GOT2: variants seen among roughly 807,000 people sequenced by gnomAD.
The protein encoded by GOT2 is glutamic-oxaloacetic transaminase 2.
A neutral mutation model predicts 50.0 loss-of-function variants in GOT2; 17 were observed. The ratio of observed to expected loss-of-function variants is 0.34; its 90% CI spans 0.23 to 0.51. GOT2 has a LOEUF of 0.51. GOT2 is among the 20% of genes least tolerant of loss of function. GOT2 has a pLI of 0.97. For missense variants in GOT2, 430 were observed against 559.6 expected (o/e 0.77, Z 2.34); for synonymous variants, 172 against 204.9 (o/e 0.84, Z 1.37).
chr16:58,718,555 T>A lies in GOT2; in HGVS notation c.569A>T (p.Asp190Val), dbSNP rs371532368. The A allele has an allele frequency of 5.0e-6, 8 of 1,592,952 alleles. No homozygotes were observed. The highest frequency in any genetic ancestry group is 1.4e-5 in the African/African-American group (1 of 73,844). Residue 190 changes from aspartate (D) to valine (V), a missense_variant, in exon 5 of 10, where the codon GAC becomes GTC. Coordinates refer to ENST00000245206, the MANE Select transcript of GOT2 (RefSeq NM_002080.4). Reference protein sequence around the residue: ...RYYDPKTCGFDFTGAVEDISK... With the variant: ...RYYDPKTCGFVFTGAVEDISK... ...AATATCCTCCACAGCGCCTGTGAAG[T>A]CAAAACCGCAAGTCTTGGGGTCATA...
chr16:58,730,391 AT>A (rs11439864), intron 1 of GOT2, among the ~76,000 whole-genome samples: 4 of 149,772 alleles, frequency 2.7e-5, no homozygotes, highest in South Asian at 2.1e-4. Context: ...GAGGGATACA[AT>A]TTTTTTTTTT....
intron 8 of GOT2, among the ~76,000 whole-genome samples, chr16:58,715,256 G>A (rs1472082638): frequency 6.6e-6 from 1 of 152,090 alleles, no homozygotes; most frequent in Non-Finnish European, 1.5e-5. Flanking sequence ...AAAATATGAT[G>A]TTTTTAAGGA....
In GOT2 at chr16:58,708,238, G is replaced by C; in HGVS notation, c.1226C>G (p.Ser409Cys). Residue 409 changes from serine (S) to cysteine (C), a missense_variant, in exon 10 of 10, where the codon TCT becomes TGT. By Grantham distance (112) the Ser-to-Cys change is moderately radical (BLOSUM62 -1). Transcript: ENST00000245206. Reference protein sequence around the residue: ...SIYMTKDGRISVAGVTSSNVG... With the variant: ...SIYMTKDGRICVAGVTSSNVG... ...GTTGCTGGAGGTGACCCCTGCCACAGAGATGCGGCCATCTTTTGTCATGTA... is the reference window on the plus strand; with the variant it reads ...GTTGCTGGAGGTGACCCCTGCCACACAGATGCGGCCATCTTTTGTCATGTA... 1 of 1,614,014 alleles carries C rather than the reference G, an allele frequency of 6.2e-7. No homozygotes were observed. The highest frequency in any genetic ancestry group is 1.3e-5 in the African/African-American group (1 of 75,060).
chr16:58,707,967 T>C lies in GOT2; in HGVS notation c.*204A>G. 2.5e-6 allele frequency: 1 copy of C among 403,592 alleles called. No homozygotes were observed. The highest frequency in any genetic ancestry group is 4.3e-6 in the Non-Finnish European group (1 of 232,626). The allele number at this position is 403,592 out of a possible 1,614,324, so 25.0% of individuals were successfully genotyped here. ...GGACCGGGGAGAGTTTGGTTTAATA[T>C]TCCAGACGCCAGCCATGGATGCCTC... is the stretch of plus-strand genomic sequence containing the variant. On this transcript the variant is annotated 3_prime_UTR_variant, in exon 10 of 10. Transcript: ENST00000245206.
At chr16:58,711,531 A>G (rs1194325297) in intron 8 of GOT2, among the ~76,000 whole-genome samples, 2 of 152,216 alleles carry the variant, frequency 1.3e-5, no homozygotes, top group Non-Finnish European at 2.9e-5. Context: ...TAGAAGAGAG[A>G]TCACAAACTG....
intron 8 of GOT2, 40 bp downstream of exon 8, chr16:58,715,974 G>A (rs2044688689): frequency 6.6e-7 from 1 of 1,523,724 alleles, no homozygotes; most frequent in African/African-American, 1.4e-5. Flanking sequence ...GAGCAGTGGT[G>A]GGAACAGGTA....
intron 1 of GOT2, among the ~76,000 whole-genome samples, chr16:58,727,527 C>G (rs934897041): frequency 3.4e-4 from 52 of 152,158 alleles, no homozygotes; most frequent in African/African-American, 1.1e-3. Flanking sequence ...ACAACACAAT[C>G]CCTTACCACC....
intron 1 of GOT2, among the ~76,000 whole-genome samples, chr16:58,731,154 GAC>G (rs1171998713): frequency 1.3e-5 from 2 of 151,518 alleles, no homozygotes; most frequent in African/African-American, 2.4e-5. Flanking sequence ...TTTTTTTTGA[GAC>G]ACAGTCTTGC....
intron 1 of GOT2, 110 bp from the exon 2 acceptor site, chr16:58,724,012 G>A: frequency 1.0e-6 from 1 of 954,166 alleles, no homozygotes; most frequent in East Asian, 2.6e-5. Flanking sequence ...GGAGTGCAGT[G>A]GTGCTATCTT....
chr16:58,709,386 G>A lies in GOT2; in HGVS notation c.1170+31C>T, dbSNP rs145749457. On this transcript the variant is annotated intron_variant, in intron 9 of 9. Transcript: ENST00000245206. Reference sequence around the variant, plus strand: ...TCGGGTTTGCAAAGACTGATCAGCTGGTCTGCTGCAGAGAAATCAGAATCA... The same window carrying A: ...TCGGGTTTGCAAAGACTGATCAGCTAGTCTGCTGCAGAGAAATCAGAATCA... 1,368 of 1,547,764 alleles carry A rather than the reference G, an allele frequency of 8.8e-4. 7 individuals carry two copies. Among genetic ancestry groups the A allele is most frequent in the Middle Eastern group, 7.3e-3 (42 of 5,744 alleles).
At chr16:58,712,883 T>C (rs1266636207) in intron 8 of GOT2, among the ~76,000 whole-genome samples, 2 of 152,166 alleles carry the variant, frequency 1.3e-5, no homozygotes, top group Admixed American at 6.5e-5. Context: ...GCCGAAGTGC[T>C]AAGGTCGGGA....
At chr16:58,716,311 G>T in intron 7 of GOT2, 132 bp from the exon 8 acceptor site, 1 of 890,118 alleles carries the variant, frequency 1.1e-6, no homozygotes, top group Non-Finnish European at 1.7e-6. Flanking sequence ...TAAATAAAAA[G>T]CTTTCAACAA....
intron 8 of GOT2, among the ~76,000 whole-genome samples, chr16:58,714,088 T>C (rs1428876001): frequency 6.6e-6 from 1 of 152,106 alleles, no homozygotes; most frequent in Non-Finnish European, 1.5e-5. Flanking sequence ...TTTATTTTAA[T>C]AGAGACACAG....
intron 7 of GOT2, 42 bp downstream of exon 7, chr16:58,716,621 C>T (rs755980939): frequency 6.3e-7 from 1 of 1,588,582 alleles, no homozygotes; most frequent in Non-Finnish European, 8.6e-7. Context: ...GGCATTCTCT[C>T]CCAGCATGAG....
intron 1 of GOT2, 80 bp from the exon 2 acceptor site, chr16:58,723,982 C>T: frequency 7.6e-7 from 1 of 1,309,158 alleles, no homozygotes. Flanking sequence ...GAGATAGACT[C>T]TTGCTCTGTT....
chr16:58,718,583 A>G lies in GOT2; in HGVS notation c.541T>C (p.Tyr181His). The change falls in exon 5 of 10, where the codon TAT (tyrosine) becomes CAT (histidine). Residue 181 changes from tyrosine (Y) to histidine (H), a missense_variant. Tyr to His is a moderately conservative substitution (Grantham distance 83). Coordinates refer to ENST00000245206, the MANE Select transcript of GOT2 (RefSeq NM_002080.4). ...AAACCGCAAGTCTTGGGGTCATAAT[A>G]CCGATAACCTTGTAGCTGCATGCCA... is the stretch of plus-strand genomic sequence containing the variant. ...DAGMQLQGYR[Y>H]YDPKTCGFDF... is the part of the protein sequence containing the mutation. The G allele has an allele frequency of 1.9e-6, 3 of 1,610,246 alleles. No homozygotes were observed. Among genetic ancestry groups the G allele is most frequent in the Non-Finnish European group, 1.7e-6 (2 of 1,178,088 alleles).
chr16:58,720,156 C>T (rs1333446380), intron 3 of GOT2, among the ~76,000 whole-genome samples: 1 of 152,176 alleles, frequency 6.6e-6, no homozygotes, highest in Non-Finnish European at 1.5e-5. Context: ...GAGCTGAGAT[C>T]GTGCTATTGC....
chr16:58,720,250 G>A (rs1337523723), intron 3 of GOT2, among the ~76,000 whole-genome samples: 5 of 152,148 alleles, frequency 3.3e-5, no homozygotes, highest in Admixed American at 2.6e-4. Flanking sequence ...CCTTCTATGT[G>A]TTTTCATAAT....
Position 58,708,172 on chromosome 16 carries a change from TA to T in GOT2, c.1291del (p.Ter431AsnfsTer26). 1 of 1,613,932 alleles carries T rather than the reference TA, an allele frequency of 6.2e-7. No individual in the cohort carries two copies. Among genetic ancestry groups the T allele is most frequent in the Non-Finnish European group, 8.5e-7 (1 of 1,179,900 alleles). On this transcript the variant is annotated frameshift_variant and stop_lost, in exon 10 of 10. Transcript: ENST00000245206. LOFTEE classifies it high-confidence loss of function. ...CTCTGTTTCCTCGCACCAGGGACAT[TA>T]CTTGGTGACCTGGTGAATGGCATGG... ...LAHAIHQVTK[*>X]
Sources: allele counts gnomAD v4.1 joint callset (sites outside exome capture counted in the v4.1 genomes callset), GRCh38; gene constraint gnomAD v4.1.1; transcripts MANE v1.5; gene names NCBI Gene and HGNC (gene_info 2026-07-23, HGNC 2026-07-21).